WWOX: variants seen among roughly 807,000 people sequenced by gnomAD.
The protein encoded by WWOX is WW domain containing oxidoreductase.
In WWOX, 69 loss-of-function variants were observed where a neutral mutation model predicts 46.2. The ratio of observed to expected loss-of-function variants is 1.49; its 90% CI spans 1.23 to 1.82. The LOEUF (loss-of-function observed/expected upper bound fraction) is 1.82, where lower values mean the gene tolerates loss of function less well. WWOX is among the 40% of genes most tolerant of loss of function. The pLI is 0.00. For synonymous variants in WWOX, 359 were observed against 202.6 expected (o/e 1.77, Z -6.56); for missense variants, 919 against 542.6 (o/e 1.69, Z -6.89).
At chr16:78,853,738 C>T (rs370183720) in intron 8 of WWOX, among the ~76,000 whole-genome samples, 1 of 152,010 alleles carries the variant, frequency 6.6e-6, no homozygotes, top group African/African-American at 2.4e-5. Context: ...GTTATGAAAC[C>T]CAGCTTGTAA....
chr16:78,418,322 C>T (rs952612708), intron 6 of WWOX, among the ~76,000 whole-genome samples: 3 of 151,798 alleles, frequency 2.0e-5, no homozygotes, highest in Non-Finnish European at 4.4e-5. Context: ...CGAGATTGCA[C>T]CACTGCACTC....
At chr16:79,154,400 C>G (rs1279614813) in intron 8 of WWOX, among the ~76,000 whole-genome samples, 2 of 151,800 alleles carry the variant, frequency 1.3e-5, no homozygotes, top group Non-Finnish European at 2.9e-5. Flanking sequence ...TTCTTTCACT[C>G]TCATCCATTT....
At chr16:78,746,706 C>A (rs936391517) in intron 8 of WWOX, among the ~76,000 whole-genome samples, 18 of 151,624 alleles carry the variant, frequency 1.2e-4, no homozygotes, top group African/African-American at 3.9e-4. Flanking sequence ...AATGCCTTTT[C>A]TTCAGCTTGG....
At chr16:78,125,580 G>C (rs565257705) in intron 4 of WWOX, among the ~76,000 whole-genome samples, 1 of 152,272 alleles carries the variant, frequency 6.6e-6, no homozygotes, top group East Asian at 1.9e-4. Context: ...TGAAGCTTAG[G>C]AGTGGGCATG....
intron 8 of WWOX, among the ~76,000 whole-genome samples, chr16:78,530,280 C>T (rs2043590628): frequency 6.6e-6 from 1 of 152,134 alleles, no homozygotes; most frequent in Non-Finnish European, 1.5e-5. Flanking sequence ...GGAGGGTCAG[C>T]GTGACAGCCT....
chr16:79,137,569 TTGTC>T (rs1434740361), intron 8 of WWOX, among the ~76,000 whole-genome samples: 1 of 152,032 alleles, frequency 6.6e-6, no homozygotes, highest in Non-Finnish European at 1.5e-5. Context: ...TAGAGAGTGT[TTGTC>T]TGTTAGCTGT....
chr16:78,506,568 CT>C (rs1230251129), intron 8 of WWOX: 1 of 152,138 alleles, frequency 6.6e-6, no homozygotes, highest in African/African-American at 2.4e-5. Context: ...ACAGAATCCC[CT>C]AAGTGGGAAG....
At chr16:78,331,203 A>G (rs763417753) in intron 5 of WWOX, among the ~76,000 whole-genome samples, 37 of 152,342 alleles carry the variant, frequency 2.4e-4, no homozygotes, top group Admixed American at 1.2e-3. Context: ...CATTTGCAGA[A>G]ATTATCACTG....
At chr16:78,211,536 C>G (rs565084229) in intron 5 of WWOX, among the ~76,000 whole-genome samples, 1 of 152,202 alleles carries the variant, frequency 6.6e-6, no homozygotes, top group African/African-American at 2.4e-5. Flanking sequence ...ACTTGCAGAC[C>G]TTGGCAGTTG....
At chr16:79,015,263 G>A (rs74032498) in intron 8 of WWOX, among the ~76,000 whole-genome samples, 141 of 152,280 alleles carry the variant, frequency 9.3e-4, no homozygotes, top group African/African-American at 3.2e-3. Flanking sequence ...GGGAAAAAGC[G>A]AGACAATGGG....
intron 8 of WWOX, among the ~76,000 whole-genome samples, chr16:78,966,785 A>C (rs547810274): frequency 1.3e-5 from 2 of 152,194 alleles, no homozygotes; most frequent in African/African-American, 4.8e-5. Context: ...TTCAAATCAC[A>C]TGTGCCAACT....
At chr16:78,583,922 T>C (rs1230465175) in intron 8 of WWOX, among the ~76,000 whole-genome samples, 1 of 152,216 alleles carries the variant, frequency 6.6e-6, no homozygotes, top group Non-Finnish European at 1.5e-5. Context: ...CTCACAAAAC[T>C]GCTATGTGAC....
intron 6 of WWOX, among the ~76,000 whole-genome samples, chr16:78,405,929 C>A (rs2082519613): frequency 6.6e-6 from 1 of 152,104 alleles, no homozygotes; most frequent in Non-Finnish European, 1.5e-5. Flanking sequence ...ACATACCTCT[C>A]TGACATGCTA....
At chr16:78,660,233 C>T (rs1597406970) in intron 8 of WWOX, among the ~76,000 whole-genome samples, 1 of 152,026 alleles carries the variant, frequency 6.6e-6, no homozygotes, top group African/African-American at 2.4e-5. Context: ...TTATTATTAC[C>T]TTAAAGAATA....
chr16:78,541,626 A>C (rs1292705694), intron 8 of WWOX, among the ~76,000 whole-genome samples: 2 of 152,084 alleles, frequency 1.3e-5, no homozygotes, highest in Admixed American at 1.3e-4. Context: ...TTGGCCAGAC[A>C]GACCTGGGAT....
intron 8 of WWOX, among the ~76,000 whole-genome samples, chr16:79,049,257 AAAC>A (rs1479028188): frequency 6.6e-6 from 1 of 152,212 alleles, no homozygotes; most frequent in South Asian, 2.1e-4. Context: ...TTATTTACAA[AAAC>A]AAGAGGAGGG....
intron 8 of WWOX, among the ~76,000 whole-genome samples, chr16:78,642,694 G>A (rs867591264): frequency 8.6e-5 from 13 of 152,004 alleles, no homozygotes; most frequent in Middle Eastern, 3.2e-3. Flanking sequence ...TTCCCACCTC[G>A]ACCGCTATGG....
intron 8 of WWOX, among the ~76,000 whole-genome samples, chr16:78,879,871 C>G (rs547076773): frequency 5.1e-4 from 48 of 94,238 alleles, no homozygotes; most frequent in African/African-American, 1.7e-3. Context: ...CAGCAAAACT[C>G]TGTCTCAAAA....
chr16:78,402,190 C>G (rs1180831917), intron 6 of WWOX, among the ~76,000 whole-genome samples: 2 of 152,214 alleles, frequency 1.3e-5, no homozygotes, highest in Admixed American at 1.3e-4. Flanking sequence ...CTATCTCTAC[C>G]TGTTTGCCTA....
Sources: allele counts gnomAD v4.1 joint callset (sites outside exome capture counted in the v4.1 genomes callset), GRCh38; gene constraint gnomAD v4.1.1; transcripts MANE v1.5; gene names NCBI Gene and HGNC (gene_info 2026-07-23, HGNC 2026-07-21).